BRINP3: variants seen among roughly 807,000 people sequenced by gnomAD.
BRINP3 encodes BMP/retinoic acid inducible neural specific 3, also known as BMP/retinoic acid-inducible neural-specific protein 3.
BRINP3 carries 19 observed loss-of-function variants against 71.0 expected under a neutral mutation model. The ratio of observed to expected loss-of-function variants is 0.27; its 90% CI spans 0.19 to 0.39. The LOEUF is 0.39. Ranked by LOEUF, BRINP3 falls within the 10% of genes least tolerant of loss-of-function variation. The pLI is 1.00. For synonymous variants in BRINP3, 380 were observed against 337.7 expected (o/e 1.13, Z -1.37); for missense variants, 959 against 940.8 (o/e 1.02, Z -0.25).
intron 3 of BRINP3, among the ~76,000 whole-genome samples, chr1:190,277,444 C>G (rs943772239): frequency 1.3e-5 from 2 of 151,156 alleles, no homozygotes; most frequent in Non-Finnish European, 3.0e-5. Flanking sequence ...TCAGGAGATG[C>G]GGATAAGGGC....
At chr1:190,439,073 T>C (rs975031333) in intron 2 of BRINP3, among the ~76,000 whole-genome samples, 1 of 151,850 alleles carries the variant, frequency 6.6e-6, no homozygotes, top group East Asian at 1.9e-4. Context: ...TTTTCAGAGT[T>C]GTGTGTCTAT....
At position 190,234,403 on chromosome 1, in the gene BRINP3, A is replaced by T; in HGVS notation, c.693T>A (p.Val231=). The T allele has an allele frequency of 6.2e-7, 1 of 1,612,586 alleles. No individual in the cohort carries two copies. Among genetic ancestry groups the T allele is most frequent in the Non-Finnish European group, 8.5e-7 (1 of 1,179,062 alleles). The change falls in exon 5 of 8, where the codon GTT becomes GTA. Residue 231 remains valine, a synonymous_variant. Transcript: ENST00000367462. The part of the protein sequence containing the change: ...DNLDSVSSVL[V]QSPENKIQLQ... Reference sequence around the variant, plus strand: ...ACTGAATCTTATTCTCAGGACTCTGAACCAGAACAGAACTGACAGAATCTA... The same window carrying T: ...ACTGAATCTTATTCTCAGGACTCTGTACCAGAACAGAACTGACAGAATCTA...
intron 4 of BRINP3, among the ~76,000 whole-genome samples, chr1:190,262,751 T>C (rs919704849): frequency 3.3e-5 from 5 of 152,188 alleles, no homozygotes; most frequent in African/African-American, 1.2e-4. Context: ...ACACTTCCTA[T>C]AAGTGTCACT....
intron 2 of BRINP3, among the ~76,000 whole-genome samples, chr1:190,369,572 T>C (rs1300301124): frequency 1.3e-5 from 2 of 152,086 alleles, no homozygotes; most frequent in African/African-American, 4.8e-5. Context: ...TCTCTGAGTA[T>C]ATAATGACAA....
chr1:190,337,580 A>G (rs1455783717), intron 2 of BRINP3, among the ~76,000 whole-genome samples: 2 of 151,680 alleles, frequency 1.3e-5, no homozygotes, highest in African/African-American at 4.8e-5. Context: ...TCAGACTCCA[A>G]ATTCTTCAGC....
chr1:190,363,354 C>A (rs10920705), intron 2 of BRINP3, among the ~76,000 whole-genome samples: 22,691 of 152,162 alleles, frequency 0.15, 1,936 homozygotes, highest in Middle Eastern at 0.2. Context: ...CACCCCTGCC[C>A]AAACTCCTGA....
chr1:190,228,774 G>A (rs1180312200), intron 5 of BRINP3, among the ~76,000 whole-genome samples: 3 of 122,490 alleles, frequency 2.4e-5, no homozygotes, highest in Non-Finnish European at 5.2e-5. Flanking sequence ...GTGGTTCAGG[G>A]CTGGCCACGG....
intron 1 of BRINP3, among the ~76,000 whole-genome samples, chr1:190,469,705 A>C (rs542985458): frequency 6.6e-6 from 1 of 151,014 alleles, no homozygotes; most frequent in African/African-American, 2.4e-5. Flanking sequence ...TGATTTTATT[A>C]ATTTTTGTTC....
At chr1:190,223,553 CTG>C (rs938521938) in intron 6 of BRINP3, among the ~76,000 whole-genome samples, 3 of 151,902 alleles carry the variant, frequency 2.0e-5, no homozygotes, top group Admixed American at 1.3e-4. Context: ...ACAGTTAACA[CTG>C]TGCTGAATGA....
At chr1:190,432,102 C>A (rs1176332254) in intron 2 of BRINP3, among the ~76,000 whole-genome samples, 1 of 151,928 alleles carries the variant, frequency 6.6e-6, no homozygotes, top group Non-Finnish European at 1.5e-5. Flanking sequence ...AACAAAACTG[C>A]AAAAAACAAA....
At chr1:190,450,038 G>C (rs1675501382) in intron 2 of BRINP3, among the ~76,000 whole-genome samples, 2 of 152,064 alleles carry the variant, frequency 1.3e-5, no homozygotes, top group Non-Finnish European at 2.9e-5. Flanking sequence ...TGGTTTAATT[G>C]TGTCTCAAAT....
intron 7 of BRINP3, among the ~76,000 whole-genome samples, chr1:190,127,476 C>A (rs992737351): frequency 6.6e-6 from 1 of 151,818 alleles, no homozygotes; most frequent in South Asian, 2.1e-4. Context: ...AATTAGGTTT[C>A]ATCCTGTCTT....
rs76755910 is a variant in BRINP3, at chr1:190,205,681, T to C, written c.961+20401A>G. 8.5e-4 allele frequency among the ~76,000 whole-genome samples: 130 copies of C among 152,150 alleles called. No individual in the cohort carries two copies. In the East Asian group the frequency reaches 0.019, roughly 22 times the overall value. On this transcript the variant is annotated intron_variant, in intron 6 of 7. Transcript: ENST00000367462. ...TTCATGTTTACTATACTTCCAAATA[T>C]GTTTAGGGCCAGGCCTACACTCAGA...
In BRINP3 at chr1:190,440,171, G is replaced by A. The variant is rs143250444; in HGVS notation, c.236+14484C>T. 2.0e-5 allele frequency among the ~76,000 whole-genome samples: 3 copies of A among 151,698 alleles called. No homozygotes were observed. The East Asian group carries it at 5.8e-4, about 29-fold the overall frequency. ...TGATTTGCTAAAAATATAATCTAAG[G>A]AAATCCAACAATGGAAATTTCTTTA... On this transcript the variant is annotated intron_variant, in intron 2 of 7. Transcript: ENST00000367462.
intron 2 of BRINP3, among the ~76,000 whole-genome samples, chr1:190,408,828 A>G (rs75572333): frequency 1.3e-3 from 200 of 152,312 alleles, no homozygotes; most frequent in African/African-American, 4.5e-3. Context: ...GATGTTAACC[A>G]TCTTAGTTGG....
At chr1:190,275,876 G>T (rs1013406740) in intron 3 of BRINP3, among the ~76,000 whole-genome samples, 3 of 150,902 alleles carry the variant, frequency 2.0e-5, no homozygotes. Flanking sequence ...TAACTGCCTT[G>T]TAAACAATTA....
intron 2 of BRINP3, among the ~76,000 whole-genome samples, chr1:190,453,207 T>TTTTTTTTTC (rs1675751920): frequency 2.2e-5 from 1 of 45,508 alleles, no homozygotes; most frequent in Admixed American, 2.4e-4. Flanking sequence ...TTTAGTATTT[T>TTTTTTTTTC]TTTTTTTTTT....
intron 2 of BRINP3, among the ~76,000 whole-genome samples, chr1:190,369,437 C>T (rs1219128377): frequency 6.6e-6 from 1 of 151,832 alleles, no homozygotes; most frequent in Admixed American, 6.6e-5. Context: ...TCAGGTTGTA[C>T]AATTCAAATA....
Position 190,355,060 on chromosome 1 carries a change from T to C in BRINP3, c.237-73310A>G, listed in dbSNP as rs191708605. On this transcript the variant is annotated intron_variant, in intron 2 of 7. Coordinates refer to ENST00000367462, the MANE Select transcript of BRINP3 (RefSeq NM_199051.3). ...AAGAAATCAGAATTCTCAGGAAAAC[T>C]CAGGAATCCCTTAAATCATATATGA... Among the ~76,000 whole-genome samples the C allele has an allele frequency of 6.9e-4, 105 of 151,960 alleles. 1 individual carries two copies. The highest frequency in any genetic ancestry group is 2.3e-3 in the African/African-American group (97 of 41,546).
Sources: gnomAD v4.1 joint callset for allele counts (sites outside exome capture counted in the v4.1 genomes callset) on GRCh38, gnomAD v4.1.1 for gene constraint, MANE v1.5 for transcripts, NCBI Gene and HGNC (gene_info 2026-07-23, HGNC 2026-07-21) for gene names.